The following LMBR1 variants were observed in gnomAD, a reference collection of about 807,000 sequenced individuals.
LMBR1 encodes the protein limb region 1 protein homolog.
Under a neutral mutation model 73.9 loss-of-function variants are expected in LMBR1, and 52 were observed. That is an observed-to-expected ratio of 0.70 (90% CI 0.56 to 0.89). The LOEUF (loss-of-function observed/expected upper bound fraction) is 0.89. LMBR1 is among the 40% of genes least tolerant of loss of function. The pLI, the probability that LMBR1 is intolerant of heterozygous loss-of-function variation, is 0.00. For missense variants in LMBR1, 539 were observed against 579.8 expected (o/e 0.93, Z 0.72); for synonymous variants, 215 against 209.4 (o/e 1.03, Z -0.23).
intron 9 of LMBR1, among the ~76,000 whole-genome samples, chr7:156,738,162 G>A (rs541478240): frequency 3.3e-5 from 5 of 152,272 alleles, no homozygotes; most frequent in African/African-American, 9.6e-5. Flanking sequence ...GAGAGAATCT[G>A]TGTACTTGGG....
At chr7:156,766,595 G>A (rs1824126450) in intron 5 of LMBR1, among the ~76,000 whole-genome samples, 1 of 152,128 alleles carries the variant, frequency 6.6e-6, no homozygotes, top group South Asian at 2.1e-4. Flanking sequence ...ACTAATAGAT[G>A]GCTTTCTGGA....
chr7:156,838,040 A>C (rs990191393), intron 1 of LMBR1, among the ~76,000 whole-genome samples: 1 of 152,012 alleles, frequency 6.6e-6, no homozygotes, highest in Admixed American at 6.6e-5. Flanking sequence ...TGCCCACTTG[A>C]GCCTCCCAAA....
intron 15 of LMBR1, among the ~76,000 whole-genome samples, chr7:156,712,870 G>A (rs150636398): frequency 6.6e-6 from 1 of 152,166 alleles, no homozygotes; most frequent in African/African-American, 2.4e-5. Context: ...AACAGGGCAG[G>A]GGGGAGGCTG....
chr7:156,710,284 G>C (rs1235263642), intron 15 of LMBR1, among the ~76,000 whole-genome samples: 1 of 152,116 alleles, frequency 6.6e-6, no homozygotes, highest in African/African-American at 2.4e-5. Flanking sequence ...AACAATATAG[G>C]ATATGGATGA....
At chr7:156,820,497 A>G (rs1432790884) in intron 4 of LMBR1, among the ~76,000 whole-genome samples, 2 of 152,214 alleles carry the variant, frequency 1.3e-5, no homozygotes, top group African/African-American at 4.8e-5. Flanking sequence ...CAACCACTCT[A>G]AACTTATTGG....
intron 9 of LMBR1, 126 bp downstream of exon 9, chr7:156,756,267 T>C: frequency 1.7e-6 from 1 of 588,594 alleles, no homozygotes; most frequent in African/African-American, 1.9e-5. Context: ...TTTATTACTC[T>C]AAAGTGTTCT....
At chr7:156,792,597 G>C (rs544971690) in intron 5 of LMBR1, among the ~76,000 whole-genome samples, 1 of 152,162 alleles carries the variant, frequency 6.6e-6, no homozygotes, top group South Asian at 2.1e-4. Context: ...CCGCTGCCAC[G>C]GTAAGAAGAG....
At chr7:156,852,767 T>TA (rs1482060326) in intron 1 of LMBR1, among the ~76,000 whole-genome samples, 1 of 152,096 alleles carries the variant, frequency 6.6e-6, no homozygotes, top group Non-Finnish European at 1.5e-5. Context: ...GAGATGCTGT[T>TA]AAAATCCCAT....
intron 15 of LMBR1, among the ~76,000 whole-genome samples, chr7:156,702,718 C>T (rs1810052822): frequency 6.6e-6 from 1 of 152,188 alleles, no homozygotes; most frequent in Non-Finnish European, 1.5e-5. Flanking sequence ...GAAAACTAAA[C>T]ATACTCTTAG....
At position 156,669,359 on chromosome 7, in the gene LMBR1, G is replaced by C. The variant is rs1437938666; in HGVS notation, n.867-72C>G. ...TAAGTGCCAGGAAGAAAAATGCAAA[G>C]AGAGGAAGGGGAGAGAGAGTGAAGT... On this transcript the variant is annotated intron_variant and non_coding_transcript_variant, in intron 4 of 4. Coordinates refer to the LMBR1 transcript ENST00000430825. This position sits in a 1 kb window ranked among gnomAD's most constrained non-coding sequence, Gnocchi z 4.2. The C allele has an allele frequency of 6.6e-6, 1 of 152,302 alleles. No homozygotes were observed. Among genetic ancestry groups the C allele is most frequent in the Non-Finnish European group, 1.5e-5 (1 of 68,074 alleles). 9.4% of individuals were successfully genotyped at this position (152,302 alleles called of 1,614,324 possible).
chr7:156,755,235 A>G (rs1821641871), intron 9 of LMBR1, among the ~76,000 whole-genome samples: 1 of 152,236 alleles, frequency 6.6e-6, no homozygotes, highest in African/African-American at 2.4e-5. Flanking sequence ...TTCTTTACAT[A>G]TAATCAGCCA....
At chr7:156,761,057 C>T (rs568097055) in intron 8 of LMBR1, among the ~76,000 whole-genome samples, 2 of 152,280 alleles carry the variant, frequency 1.3e-5, no homozygotes, top group East Asian at 1.9e-4. Flanking sequence ...AGGTAAGAGG[C>T]CTTGAAGGGA....
At chr7:156,732,886 G>A (rs1817117796) in intron 10 of LMBR1, among the ~76,000 whole-genome samples, 1 of 152,208 alleles carries the variant, frequency 6.6e-6, no homozygotes, top group South Asian at 2.1e-4. Flanking sequence ...GCTCATGCCT[G>A]TAATCCCAGT....
At chr7:156,734,500 G>A (rs1003425872) in intron 9 of LMBR1, among the ~76,000 whole-genome samples, 2 of 152,146 alleles carry the variant, frequency 1.3e-5, no homozygotes, top group Non-Finnish European at 2.9e-5. Context: ...GAAGGGAGAG[G>A]GTTGGGATGG....
chr7:156,767,611 T>C, intron 5 of LMBR1, among the ~76,000 whole-genome samples: 1 of 151,758 alleles, frequency 6.6e-6, no homozygotes, highest in Non-Finnish European at 1.5e-5. Context: ...ATCAAAATAA[T>C]AAAACTAGTA....
At chr7:156,749,262 G>A (rs987956757) in intron 9 of LMBR1, among the ~76,000 whole-genome samples, 3 of 148,490 alleles carry the variant, frequency 2.0e-5, no homozygotes, top group Admixed American at 6.7e-5. Context: ...AAGAGAATCT[G>A]GCATGAGCTT....
intron 15 of LMBR1, among the ~76,000 whole-genome samples, chr7:156,711,588 C>G (rs1812090435): frequency 6.6e-6 from 1 of 152,224 alleles, no homozygotes; most frequent in East Asian, 1.9e-4. Context: ...CATCAACTTA[C>G]CTAACTTCAA....
Position 156,836,886 on chromosome 7 carries a change from C to T in LMBR1, c.67-1G>A. On this transcript the variant is annotated splice_acceptor_variant, in intron 1 of 16. Transcript: ENST00000353442. LOFTEE classifies it high-confidence loss of function. ...GAATGGCAAAAAGAAGGAAACATAT[C>T]TGAAACAAAACGAAGTTAACAGATC... 6.4e-7 allele frequency: 1 copy of T among 1,564,432 alleles called. No homozygotes were observed. The highest frequency in any genetic ancestry group is 8.7e-7 in the Non-Finnish European group (1 of 1,149,328).
rs34487923 is a variant in LMBR1, at chr7:156,709,896, A to ATTTT, written c.1225+14212_1225+14215dup. Among the ~76,000 whole-genome samples, 24 of 90,354 alleles carry ATTTT rather than the reference A, an allele frequency of 2.7e-4. 1 individual carries two copies. Among genetic ancestry groups the ATTTT allele is most frequent in the African/African-American group, 5.3e-4 (11 of 20,892 alleles). The allele number at this position is 90,354 out of a possible 152,430, so 59.3% of individuals were successfully genotyped here. On this transcript the variant is annotated intron_variant, in intron 15 of 16. Transcript: ENST00000353442. ...GCCAGTTAAAGAATTCAGAAGGTTG[A>ATTTT]TTTTTTTTTTTTTTTTTTTTTTTTT...
Sources: allele counts gnomAD v4.1 joint callset (sites outside exome capture counted in the v4.1 genomes callset), GRCh38; gene constraint gnomAD v4.1.1; non-coding constraint Gnocchi (gnomAD v3.1); transcripts MANE v1.5; gene names NCBI Gene and HGNC (gene_info 2026-07-23, HGNC 2026-07-21).